CADM2: variants seen among roughly 807,000 people sequenced by gnomAD.
The protein encoded by CADM2 is immunoglobulin superfamily member 4D.
CADM2 carries 12 observed loss-of-function variants against 49.8 expected under a neutral mutation model. The ratio of observed to expected loss-of-function variants is 0.24; its 90% CI spans 0.15 to 0.39. The LOEUF is 0.39. Among genes scored for constraint, CADM2 ranks in the 10% least tolerant of loss-of-function variants. The probability of loss-of-function intolerance (pLI) is 1.00; values close to 1 mark genes in which losing one functional copy is unlikely to be tolerated. For synonymous variants in CADM2, 214 were observed against 175.4 expected (o/e 1.22, Z -1.74); for missense variants, 378 against 492.3 (o/e 0.77, Z 2.20).
chr3:85,893,687 G>T (rs952527746), intron 5 of CADM2, among the ~76,000 whole-genome samples: 4 of 152,126 alleles, frequency 2.6e-5, no homozygotes, highest in African/African-American at 7.2e-5. Context: ...GTGGGTGAAG[G>T]ATATGAACAG....
At chr3:85,384,902 C>A (rs1434772122) in intron 1 of CADM2, among the ~76,000 whole-genome samples, 2 of 151,788 alleles carry the variant, frequency 1.3e-5, no homozygotes, top group East Asian at 3.9e-4. Flanking sequence ...TTTCCTATAT[C>A]CTCCAATAAA....
intron 1 of CADM2, among the ~76,000 whole-genome samples, chr3:85,234,268 G>A (rs765751093): frequency 4.1e-4 from 63 of 152,014 alleles, no homozygotes; most frequent in Middle Eastern, 3.4e-3. Context: ...ACACTTAAAC[G>A]TTTATAATAT....
chr3:85,029,029 A>G (rs972373637), intron 1 of CADM2, among the ~76,000 whole-genome samples: 2 of 151,970 alleles, frequency 1.3e-5, no homozygotes, highest in Non-Finnish European at 1.5e-5. Flanking sequence ...TAATACTATT[A>G]TAACATTTAT....
At chr3:85,766,808 G>A (rs2069679045) in intron 2 of CADM2, among the ~76,000 whole-genome samples, 1 of 152,008 alleles carries the variant, frequency 6.6e-6, no homozygotes, top group Non-Finnish European at 1.5e-5. Flanking sequence ...AGTAAATCAG[G>A]CCATGCTAGC....
intron 1 of CADM2, among the ~76,000 whole-genome samples, chr3:85,526,308 A>ATAAGT (rs10675450): frequency 0.96 from 146,708 of 152,050 alleles, 71,015 homozygotes; most frequent in East Asian, 1. Context: ...GCCTTCCAAA[A>ATAAGT]TAAGAGGAGA....
intron 8 of CADM2, among the ~76,000 whole-genome samples, chr3:86,008,157 A>T (rs970891592): frequency 1.3e-5 from 2 of 152,154 alleles, no homozygotes; most frequent in African/African-American, 4.8e-5. Flanking sequence ...GTTATTCTAA[A>T]GGATAGTATT....
intron 2 of CADM2, among the ~76,000 whole-genome samples, chr3:85,756,523 T>C (rs1254068694): frequency 6.6e-6 from 1 of 152,172 alleles, no homozygotes; most frequent in Admixed American, 6.5e-5. Context: ...CATGGTACAA[T>C]GGGATTTGTA....
chr3:86,032,329 A>T (rs1322431522), intron 8 of CADM2, among the ~76,000 whole-genome samples: 1 of 151,826 alleles, frequency 6.6e-6, no homozygotes, highest in African/African-American at 2.4e-5. Context: ...GTTTCAAAGG[A>T]CATCTGTGTT....
intron 5 of CADM2, among the ~76,000 whole-genome samples, chr3:85,891,231 G>A (rs1313702595): frequency 6.6e-6 from 1 of 152,256 alleles, no homozygotes; most frequent in African/African-American, 2.4e-5. Context: ...GAAAAGATGT[G>A]CATTGCCTTC....
chr3:85,810,195 A>G (rs1179747821), intron 3 of CADM2, among the ~76,000 whole-genome samples: 3 of 152,072 alleles, frequency 2.0e-5, no homozygotes, highest in African/African-American at 7.2e-5. Flanking sequence ...GAAGGGATAG[A>G]TGTATGAAAA....
chr3:85,249,489 CTA>C (rs1284350023), intron 1 of CADM2, among the ~76,000 whole-genome samples: 8 of 151,856 alleles, frequency 5.3e-5, no homozygotes, highest in African/African-American at 1.9e-4. Flanking sequence ...AATGCACAGA[CTA>C]TGTGATGGCT....
At chr3:85,080,761 C>G (rs142229720) in intron 1 of CADM2, among the ~76,000 whole-genome samples, 137 of 151,914 alleles carry the variant, frequency 9.0e-4, no homozygotes, top group African/African-American at 3.2e-3. Flanking sequence ...TATTATTCCT[C>G]TAGGTCCAGA....
At chr3:85,793,927 A>G (rs2071478998) in intron 2 of CADM2, among the ~76,000 whole-genome samples, 1 of 152,210 alleles carries the variant, frequency 6.6e-6, no homozygotes, top group Non-Finnish European at 1.5e-5. Flanking sequence ...ACAGAACTGC[A>G]TCTACCTAAA....
chr3:85,642,291 T>G (rs915378389), intron 1 of CADM2, among the ~76,000 whole-genome samples: 1 of 152,124 alleles, frequency 6.6e-6, no homozygotes, highest in Non-Finnish European at 1.5e-5. Context: ...AATATATTAT[T>G]TAAACTTTAA....
At chr3:84,959,915 A>C (rs1490780116) in intron 1 of CADM2, among the ~76,000 whole-genome samples, 1 of 151,660 alleles carries the variant, frequency 6.6e-6, no homozygotes, top group African/African-American at 2.4e-5. Context: ...CTTCTCATTC[A>C]CCTGAGCTTC....
At chr3:85,693,960 T>C (rs1052240523) in intron 1 of CADM2, among the ~76,000 whole-genome samples, 3 of 150,482 alleles carry the variant, frequency 2.0e-5, no homozygotes, top group Non-Finnish European at 3.0e-5. Flanking sequence ...AAATAATACA[T>C]GTATATTTTT....
At chr3:84,971,880 G>A (rs973519181) in intron 1 of CADM2, among the ~76,000 whole-genome samples, 2 of 152,024 alleles carry the variant, frequency 1.3e-5, no homozygotes, top group South Asian at 4.1e-4. Context: ...GGAGTATAGA[G>A]GTGGATTGGT....
intron 3 of CADM2, among the ~76,000 whole-genome samples, chr3:85,855,314 G>A (rs949550858): frequency 3.3e-5 from 5 of 151,852 alleles, no homozygotes; most frequent in African/African-American, 9.7e-5. Context: ...ATTTCTTGAG[G>A]GTACCATGCA....
At chr3:85,070,539 T>A (rs181144748) in intron 1 of CADM2, among the ~76,000 whole-genome samples, 16 of 152,058 alleles carry the variant, frequency 1.1e-4, no homozygotes, top group African/African-American at 3.9e-4. Flanking sequence ...AAATAAAAAA[T>A]TTATTTCTAT....
Sources: allele counts gnomAD v4.1 joint callset (sites outside exome capture counted in the v4.1 genomes callset), GRCh38; gene constraint gnomAD v4.1.1; transcripts MANE v1.5; gene names NCBI Gene and HGNC (gene_info 2026-07-23, HGNC 2026-07-21).